Variants in PIAS2 observed in about 807,000 individuals in gnomAD.
PIAS2 encodes the protein protein inhibitor of activated STAT 2, also known as E3 SUMO-protein ligase PIAS2.
In PIAS2, 19 loss-of-function variants were observed where a neutral mutation model predicts 69.7. That is an observed-to-expected ratio of 0.27 (90% confidence interval 0.19 to 0.40). The LOEUF (loss-of-function observed/expected upper bound fraction) is 0.40, where lower values mean the gene tolerates loss of function less well. Ranked by LOEUF, PIAS2 falls within the 10% of genes least tolerant of loss-of-function variation. The pLI is 1.00. For missense variants in PIAS2, 624 were observed against 757.0 expected, an observed-to-expected ratio of 0.82 and a Z score of 2.06; for synonymous variants, 261 against 263.2, an observed-to-expected ratio of 0.99 and a Z score of 0.08.
chr18:46,842,638 C>G (rs1215448829), intron 8 of PIAS2, among the ~76,000 whole-genome samples: 1 of 152,158 alleles, frequency 6.6e-6, no homozygotes, highest in Non-Finnish European at 1.5e-5. Flanking sequence ...TCACTTGTTT[C>G]AATCTACTAT....
At chr18:46,820,646 A>C (rs1320943069) in intron 12 of PIAS2, among the ~76,000 whole-genome samples, 1 of 151,822 alleles carries the variant, frequency 6.6e-6, no homozygotes, top group Non-Finnish European at 1.5e-5. Context: ...TCTATAATAA[A>C]GAAACCAAGA....
chr18:46,864,013 C>T (rs1397183320), intron 3 of PIAS2, 151 bp downstream of exon 3: 14 of 506,246 alleles, frequency 2.8e-5, no homozygotes, highest in Non-Finnish European at 4.9e-5. Context: ...ATCAAACCTG[C>T]CAAAACCTTG....
Position 46,917,392 on chromosome 18 carries a change from C to CCGCTGCCGCCAACGA in PIAS2, c.-62_-48dup, listed in dbSNP as rs1307190409. On this transcript the variant is annotated 5_prime_UTR_variant, in exon 1 of 14. Transcript: ENST00000585916. ...GCCGCCGCTGCCGCCGCACCCACTCCCGCTGCCGCCAACGACGCTGCCGCC... is the reference window on the plus strand; with the variant it reads ...GCCGCCGCTGCCGCCGCACCCACTCCCGCTGCCGCCAACGACGCTGCCGCCAACGACGCTGCCGCC... 2.1e-6 allele frequency: 3 copies of CCGCTGCCGCCAACGA among 1,439,000 alleles called. No individual in the cohort carries two copies. Among genetic ancestry groups the CCGCTGCCGCCAACGA allele is most frequent in the African/African-American group, 3.0e-5 (2 of 66,510 alleles). The allele number at this position is 1,439,000 out of a possible 1,614,324, so 89.1% of individuals were successfully genotyped here.
At chr18:46,831,024 A>G (rs2043532710) in intron 9 of PIAS2, among the ~76,000 whole-genome samples, 1 of 152,180 alleles carries the variant, frequency 6.6e-6, no homozygotes, top group Non-Finnish European at 1.5e-5. Context: ...CCAAAAGTCA[A>G]TCAACATAAT....
At chr18:46,872,005 T>C (rs1199920770) in intron 2 of PIAS2, among the ~76,000 whole-genome samples, 1 of 152,148 alleles carries the variant, frequency 6.6e-6, no homozygotes, top group East Asian at 1.9e-4. Context: ...ACATATGAAG[T>C]TAAAACCCCC....
intron 1 of PIAS2, among the ~76,000 whole-genome samples, chr18:46,910,127 G>T (rs950347219): frequency 6.6e-6 from 1 of 152,076 alleles, no homozygotes; most frequent in African/African-American, 2.4e-5. Flanking sequence ...CTGCACTCCA[G>T]CCTGGGCAAG....
chr18:46,906,780 G>GT (rs2056665110), intron 1 of PIAS2, among the ~76,000 whole-genome samples: 1 of 144,630 alleles, frequency 6.9e-6, no homozygotes, highest in African/African-American at 2.5e-5. Flanking sequence ...GTGTGGGGGG[G>GT]GGGGGAGGTG....
intron 5 of PIAS2, among the ~76,000 whole-genome samples, chr18:46,854,126 G>A (rs1215832734): frequency 2.0e-5 from 3 of 152,206 alleles, no homozygotes; most frequent in Admixed American, 2.0e-4. Context: ...ACCAAGAGAA[G>A]TCAGATCCCT....
intron 2 of PIAS2, among the ~76,000 whole-genome samples, chr18:46,881,185 C>T (rs950842410): frequency 1.8e-4 from 28 of 152,104 alleles, no homozygotes; most frequent in Admixed American, 6.6e-4. Flanking sequence ...AACCCCCTTC[C>T]TCTGCTCAAA....
At chr18:46,851,252 C>A (rs563954599) in intron 5 of PIAS2, among the ~76,000 whole-genome samples, 1 of 152,332 alleles carries the variant, frequency 6.6e-6, no homozygotes, top group East Asian at 1.9e-4. Context: ...ACCAAAGGAA[C>A]TACTTGGAGA....
At chr18:46,864,769 CAAAA>C (rs61248600) in intron 2 of PIAS2, among the ~76,000 whole-genome samples, 1 of 124,300 alleles carries the variant, frequency 8.0e-6, no homozygotes, top group Non-Finnish European at 1.7e-5. Flanking sequence ...AACTCCATCT[CAAAA>C]AAAAAAAAAA....
rs2040723331 is a variant in PIAS2, at chr18:46,807,101, G to T, written c.*5332C>A. ...TCAGTTTGGGGATGGAATGCCTTTG[G>T]CTCAGTAGATTCTACTGGCTTTGGG... On this transcript the variant is annotated 3_prime_UTR_variant, in exon 14 of 14. Transcript: ENST00000585916. The T allele has an allele frequency of 6.6e-6, 1 of 151,530 alleles. No individual in the cohort carries two copies. Among genetic ancestry groups the T allele is most frequent in the South Asian group, 2.1e-4 (1 of 4,802 alleles). 9.4% of individuals were successfully genotyped at this position (151,530 alleles called of 1,614,324 possible). A position where few individuals can be genotyped will look rare whatever the true frequency, so the allele number is the denominator to read the frequency against.
chr18:46,837,443 T>C (rs2044617530), intron 8 of PIAS2, among the ~76,000 whole-genome samples: 1 of 152,156 alleles, frequency 6.6e-6, no homozygotes. Context: ...TCCCATTTGG[T>C]TATTAATCTT....
At chr18:46,879,708 A>G (rs2051872028) in intron 2 of PIAS2, among the ~76,000 whole-genome samples, 1 of 152,268 alleles carries the variant, frequency 6.6e-6, no homozygotes, top group African/African-American at 2.4e-5. Context: ...TACATACAAT[A>G]GAATATTACT....
intron 13 of PIAS2, among the ~76,000 whole-genome samples, chr18:46,813,561 A>C (rs1346187812): frequency 6.6e-6 from 1 of 152,184 alleles, no homozygotes; most frequent in Non-Finnish European, 1.5e-5. Flanking sequence ...ATGAAAGATC[A>C]GTAAGGATAT....
At chr18:46,872,420 A>T (rs1408057563) in intron 2 of PIAS2, among the ~76,000 whole-genome samples, 5 of 152,224 alleles carry the variant, frequency 3.3e-5, no homozygotes, top group Non-Finnish European at 7.3e-5. Flanking sequence ...TTGCCCCAAG[A>T]GTTTAGAGAT....
intron 1 of PIAS2, among the ~76,000 whole-genome samples, chr18:46,913,550 A>C (rs2057485790): frequency 6.6e-6 from 1 of 151,088 alleles, no homozygotes; most frequent in South Asian, 2.1e-4. Context: ...AGAATACAGA[A>C]GGGAGATCCT....
Position 46,844,074 on chromosome 18 carries a change from G to A in PIAS2, c.1021C>T (p.Arg341Trp), listed in dbSNP as rs747464016. The change falls in exon 8 of 14, where the codon CGG becomes TGG. Residue 341 changes from arginine (R) to tryptophan (W), a missense_variant. Arg to Trp is a moderately radical substitution (Grantham distance 101). This residue lies in a region of PIAS2 where 44 missense variants were observed against 90.9 expected (regional missense o/e 0.48). Transcript: ENST00000585916. Reference sequence around the variant, plus strand: ...CTTACAGGGCACATCAAGGATACCCGAAGGCTAGTTGTAGCAATTTCACTA... The same window carrying A: ...CTTACAGGGCACATCAAGGATACCCAAAGGCTAGTTGTAGCAATTTCACTA... ...PDSEIATTSLRVSLMCPLGKM... is the reference protein window; with the variant it reads ...PDSEIATTSLWVSLMCPLGKM... 1 of 1,533,708 alleles carries A rather than the reference G, an allele frequency of 6.5e-7. No homozygotes were observed. The highest frequency in any genetic ancestry group is 2.4e-5 in the East Asian group (1 of 42,020).
In PIAS2 at chr18:46,855,329, AT is replaced by A; in HGVS notation, c.726+15del. ...TTAAACTTATATGCAAATCTGGTGA[AT>A]AAAAAGCAACTTACAGGCAAAGGAA... On this transcript the variant is annotated intron_variant, in intron 5 of 13. Transcript: ENST00000585916. The A allele has an allele frequency of 6.4e-7, 1 of 1,552,880 alleles. No homozygotes were observed. Among genetic ancestry groups the A allele is most frequent in the East Asian group, 2.2e-5 (1 of 44,530 alleles).
Sources: gnomAD v4.1 joint callset for allele counts (sites outside exome capture counted in the v4.1 genomes callset) on GRCh38, gnomAD v4.1.1 for gene constraint, gnomAD v4.1.1 regional missense constraint, MANE v1.5 for transcripts, NCBI Gene and HGNC (gene_info 2026-07-23, HGNC 2026-07-21) for gene names.